FAM135B: variants seen among roughly 807,000 people sequenced by gnomAD.
The protein encoded by FAM135B is protein FAM135B.
Under a neutral mutation model 127.7 loss-of-function variants are expected in FAM135B, and 43 were observed. The observed-to-expected ratio is 0.34, with a 90% CI of 0.26 to 0.43. FAM135B has a LOEUF of 0.43. FAM135B is among the 20% of genes least tolerant of loss of function. FAM135B has a pLI of 1.00. For synonymous variants in FAM135B, 670 were observed against 665.1 expected (o/e 1.01, Z -0.11); for missense variants, 1,558 against 1,725.6 (o/e 0.90, Z 1.72).
At chr8:138,478,020 T>C (rs1309013440) in intron 1 of FAM135B, among the ~76,000 whole-genome samples, 1 of 152,194 alleles carries the variant, frequency 6.6e-6, no homozygotes, top group Non-Finnish European at 1.5e-5. Context: ...AGATCTGTTG[T>C]TGCACGAGAG....
intron 6 of FAM135B, among the ~76,000 whole-genome samples, chr8:138,250,353 C>A (rs2130476553): frequency 6.6e-6 from 1 of 152,210 alleles, no homozygotes; most frequent in East Asian, 1.9e-4. Context: ...GACTCCATCT[C>A]ATATAAGTAA....
At chr8:138,192,876 A>C (rs111937838) in intron 9 of FAM135B, among the ~76,000 whole-genome samples, 2 of 152,190 alleles carry the variant, frequency 1.3e-5, no homozygotes, top group Non-Finnish European at 2.9e-5. Context: ...AAATGAACCC[A>C]TTGGGTGGTT....
chr8:138,380,982 C>CA (rs1179654219), intron 1 of FAM135B, among the ~76,000 whole-genome samples: 8 of 141,194 alleles, frequency 5.7e-5, no homozygotes, highest in East Asian at 2.8e-4. Context: ...AAAAAACAAA[C>CA]AAACAAAAAA....
At chr8:138,331,309 C>G (rs1362895538) in intron 2 of FAM135B, among the ~76,000 whole-genome samples, 1 of 152,192 alleles carries the variant, frequency 6.6e-6, no homozygotes, top group African/African-American at 2.4e-5. Context: ...AATCAAAGGT[C>G]TTCGCAGCAT....
intron 3 of FAM135B, among the ~76,000 whole-genome samples, chr8:138,307,884 T>A (rs1826382163): frequency 6.6e-6 from 1 of 152,138 alleles, no homozygotes; most frequent in South Asian, 2.1e-4. Flanking sequence ...ATATGCTATA[T>A]TTTTGCCTAA....
intron 5 of FAM135B, among the ~76,000 whole-genome samples, chr8:138,255,882 C>T (rs566616454): frequency 2.6e-5 from 4 of 152,148 alleles, no homozygotes; most frequent in Non-Finnish European, 5.9e-5. Context: ...CCTTACTGTG[C>T]CTGACCCTGC....
At chr8:138,358,009 C>T (rs956383329) in intron 2 of FAM135B, among the ~76,000 whole-genome samples, 3 of 152,068 alleles carry the variant, frequency 2.0e-5, no homozygotes, top group African/African-American at 4.8e-5. Context: ...ACATGGCTGG[C>T]GAGGACTTAC....
At chr8:138,211,897 G>C (rs4909758) in intron 7 of FAM135B, among the ~76,000 whole-genome samples, 18 of 151,850 alleles carry the variant, frequency 1.2e-4, no homozygotes, top group Admixed American at 5.2e-4. Context: ...GTGAAACCTC[G>C]TCTCTACTAA....
rs1226551353 is a variant in FAM135B at position 138,243,684 on chromosome 8, T to C, written c.543-616A>G. On this transcript the variant is annotated intron_variant, in intron 6 of 19. Transcript: ENST00000395297. This position sits in a 1 kb window ranked among gnomAD's most constrained non-coding sequence, Gnocchi z 7.5. ...ATTAATGGACATATTGTGATGGCAA[T>C]GATCAATTTCAGGATCAAAGGAGAT... 4.6e-5 allele frequency among the ~76,000 whole-genome samples: 7 copies of C among 152,242 alleles called. No homozygotes were observed. Among genetic ancestry groups the C allele is most frequent in the African/African-American group, 7.2e-5 (3 of 41,468 alleles).
intron 7 of FAM135B, among the ~76,000 whole-genome samples, chr8:138,206,464 G>T (rs1320723984): frequency 4.8e-4 from 44 of 91,936 alleles, no homozygotes; most frequent in East Asian, 1.6e-3. Flanking sequence ...CACAACTCCA[G>T]CATCCCCTCC....
chr8:138,229,042 C>CGTGT (rs35367239), intron 7 of FAM135B, among the ~76,000 whole-genome samples: 11 of 151,008 alleles, frequency 7.3e-5, no homozygotes, highest in South Asian at 2.1e-4. Flanking sequence ...AACACTCACA[C>CGTGT]GTGTGTGTGT....
At chr8:138,266,960 T>C (rs1822988911) in intron 3 of FAM135B, among the ~76,000 whole-genome samples, 1 of 152,198 alleles carries the variant, frequency 6.6e-6, no homozygotes, top group African/African-American at 2.4e-5. Context: ...TGTGGTTACT[T>C]TCCTTAATTA....
At chr8:138,384,428 C>T (rs774905408) in intron 1 of FAM135B, among the ~76,000 whole-genome samples, 20 of 152,018 alleles carry the variant, frequency 1.3e-4, no homozygotes, top group South Asian at 1.2e-3. Flanking sequence ...ATTATGTGCC[C>T]GGCTTCCAGA....
At chr8:138,251,558 C>T (rs181143546) in intron 5 of FAM135B, among the ~76,000 whole-genome samples, 46 of 152,206 alleles carry the variant, frequency 3.0e-4, no homozygotes, top group Admixed American at 1.6e-3. Context: ...ACTGACTGAA[C>T]GAACAAAAGA....
intron 1 of FAM135B, among the ~76,000 whole-genome samples, chr8:138,474,670 T>C (rs545381924): frequency 6.6e-6 from 1 of 152,344 alleles, no homozygotes; most frequent in South Asian, 2.1e-4. Flanking sequence ...CCAACGACTC[T>C]AACTAAAGCA....
At chr8:138,253,874 C>A (rs192145531) in intron 5 of FAM135B, among the ~76,000 whole-genome samples, 3 of 152,192 alleles carry the variant, frequency 2.0e-5, no homozygotes, top group Non-Finnish European at 4.4e-5. Flanking sequence ...GCCACAGATG[C>A]CTTGTCATCC....
chr8:138,131,281 A>C lies in FAM135B; in HGVS notation c.*1312T>G, dbSNP rs995917434. 1.3e-5 allele frequency: 2 copies of C among 151,800 alleles called. No individual in the cohort carries two copies. Among genetic ancestry groups the C allele is most frequent in the Non-Finnish European group, 2.9e-5 (2 of 68,024 alleles). 9.4% of individuals were successfully genotyped at this position (151,800 alleles called of 1,614,324 possible). On this transcript the variant is annotated 3_prime_UTR_variant, in exon 20 of 20. Transcript: ENST00000395297. ...TTAGGCTCCTGTCTTACTTATCCCT[A>C]CTGTCCAGGTTCATTCATCTCTTCC... is the stretch of plus-strand genomic sequence containing the variant.
chr8:138,374,879 T>C (rs762185577), intron 1 of FAM135B, among the ~76,000 whole-genome samples: 1 of 152,112 alleles, frequency 6.6e-6, no homozygotes, highest in Non-Finnish European at 1.5e-5. Context: ...CAGGACATGA[T>C]TCAGATCTCC....
chr8:138,442,262 A>ATG (rs1835834323), intron 1 of FAM135B, among the ~76,000 whole-genome samples: 3 of 128,842 alleles, frequency 2.3e-5, no homozygotes, highest in African/African-American at 5.8e-5. Context: ...ATATATATAT[A>ATG]TATATATATA....
Sources: allele counts gnomAD v4.1 joint callset (sites outside exome capture counted in the v4.1 genomes callset), GRCh38; gene constraint gnomAD v4.1.1; non-coding constraint Gnocchi (gnomAD v3.1); transcripts MANE v1.5; gene names NCBI Gene and HGNC (gene_info 2026-07-23, HGNC 2026-07-21).